DNAH9: variants seen among roughly 807,000 people sequenced by gnomAD.
DNAH9 encodes dynein axonemal heavy chain 9, also known as DNAH9 variant protein.
In DNAH9, 345 loss-of-function variants were observed where a neutral mutation model predicts 471.6. The observed-to-expected ratio is 0.73, with a 90% CI of 0.67 to 0.80. The LOEUF is 0.80. Ranked by LOEUF, DNAH9 falls within the 30% of genes least tolerant of loss-of-function variation. DNAH9 has a pLI of 0.00. For missense variants in DNAH9, 5,407 were observed against 5,609.2 expected (o/e 0.96, Z 1.15); for synonymous variants, 2,093 against 2,123.6 (o/e 0.99, Z 0.40).
intron 28 of DNAH9, among the ~76,000 whole-genome samples, chr17:11,733,618 G>A (rs780519164): frequency 3.9e-5 from 6 of 152,170 alleles, no homozygotes; most frequent in Admixed American, 6.5e-5. Flanking sequence ...TTGGGAGGCC[G>A]AGGTGGGCAG....
At chr17:11,601,065 T>C (rs2072375525) in intron 1 of DNAH9, among the ~76,000 whole-genome samples, 1 of 152,246 alleles carries the variant, frequency 6.6e-6, no homozygotes, top group Non-Finnish European at 1.5e-5. Context: ...TCCTTCTGAC[T>C]GACTTATGTC....
At chr17:11,941,044 G>A (rs892477710) in intron 66 of DNAH9, among the ~76,000 whole-genome samples, 2 of 152,072 alleles carry the variant, frequency 1.3e-5, no homozygotes, top group African/African-American at 4.8e-5. Context: ...CTTTCCAGGC[G>A]CCCCCATCCT....
At chr17:11,630,344 A>G (rs1229331959) in intron 7 of DNAH9, 2 of 152,438 alleles carry the variant, frequency 1.3e-5, no homozygotes, top group African/African-American at 4.8e-5. Flanking sequence ...GAGGCAGGAG[A>G]ATCGCTTGAA....
rs773258967 is a variant in DNAH9 at position 11,886,861 on chromosome 17, G to A, written c.11008G>A (p.Glu3670Lys). The part of the protein sequence containing the change: ...EAKVTEVKIN[E>K]AREHYRPAAA... The stretch of plus-strand genomic sequence containing the variant: ...CAAGGTGACTGAAGTGAAAATCAAC[G>A]AGGCCCGAGAGCACTACCGGCCAGC... The change falls in exon 57 of 69, where the codon GAG (glutamate) becomes AAG (lysine). Residue 3670 changes from glutamate to lysine, a missense_variant. Coordinates refer to ENST00000262442, the MANE Select transcript of DNAH9 (RefSeq NM_001372.4). 5.6e-6 allele frequency: 9 copies of A among 1,612,040 alleles called. No individual in the cohort carries two copies. Among genetic ancestry groups the A allele is most frequent in the Admixed American group, 5.0e-5 (3 of 59,726 alleles).
Position 11,961,902 on chromosome 17 carries a change from A to C in DNAH9, c.12879A>C (p.Leu4293Phe). 1 of 1,612,886 alleles carries C rather than the reference A, an allele frequency of 6.2e-7. No homozygotes were observed. The highest frequency in any genetic ancestry group is 8.5e-7 in the Non-Finnish European group (1 of 1,179,378). Residue 4293 changes from leucine (L) to phenylalanine (F), a missense_variant, in exon 68 of 69, where the codon TTA (leucine) becomes TTC (phenylalanine). By Grantham distance (22) the Leu-to-Phe change is conservative. This residue lies in a region of DNAH9 where 4,636 missense variants were observed against 4,900.3 expected (regional missense o/e 0.95). Transcript: ENST00000262442. ...CTATGACCAGCCACATGGAGAACTTACAGAATGCCCTGTACTTCGATATGG... is the reference window on the plus strand; with the variant it reads ...CTATGACCAGCCACATGGAGAACTTCCAGAATGCCCTGTACTTCGATATGG... ...ELTMTSHMEN[L>F]QNALYFDMVP...
chr17:11,766,001 A>G (rs1426244762), intron 36 of DNAH9, among the ~76,000 whole-genome samples: 1 of 152,116 alleles, frequency 6.6e-6, no homozygotes. Flanking sequence ...AGCCTTTTAA[A>G]AGCCCCGGAG....
chr17:11,745,658 T>G (rs180889331), intron 31 of DNAH9, among the ~76,000 whole-genome samples: 1 of 152,296 alleles, frequency 6.6e-6, no homozygotes, highest in East Asian at 1.9e-4. Flanking sequence ...CAAGTTATAA[T>G]TAGCGTCTTT....
intron 18 of DNAH9, 81 bp downstream of exon 18, chr17:11,680,060 C>T: frequency 9.0e-7 from 1 of 1,115,526 alleles, no homozygotes; most frequent in South Asian, 1.5e-5. Context: ...TGGGGTACAG[C>T]AAATGAAAAA....
In DNAH9 at chr17:11,742,298, GCTT is replaced by G. The variant is rs1326618082; in HGVS notation, c.6099_6101del (p.Leu2034del). 6.2e-7 allele frequency: 1 copy of G among 1,613,998 alleles called. No individual in the cohort carries two copies. Reference sequence around the variant, plus strand: ...TCACTCTTTACCAGTTGTGCAAAGAGCTTCTCTCCAAACAGGTAGGATCTCTAG... The same window carrying G: ...TCACTCTTTACCAGTTGTGCAAAGAGCTCTCCAAACAGGTAGGATCTCTAG... On this transcript the variant is annotated inframe_deletion, in exon 30 of 69. Coordinates refer to ENST00000262442, the MANE Select transcript of DNAH9 (RefSeq NM_001372.4).
At chr17:11,798,198 C>G (rs560341239) in intron 43 of DNAH9, among the ~76,000 whole-genome samples, 1 of 151,824 alleles carries the variant, frequency 6.6e-6, no homozygotes, top group Non-Finnish European at 1.5e-5. Context: ...CTTTGGAGGC[C>G]GAGGCGGGCA....
chr17:11,807,987 C>T (rs2150925078), intron 44 of DNAH9, 93 bp downstream of exon 44: 2 of 1,375,536 alleles, frequency 1.5e-6, no homozygotes, highest in South Asian at 2.9e-5. Context: ...GTTCCCCTGT[C>T]TGGAGCCTCC....
intron 14 of DNAH9, among the ~76,000 whole-genome samples, chr17:11,658,420 G>A (rs1018811468): frequency 6.6e-6 from 1 of 152,054 alleles, no homozygotes; most frequent in African/African-American, 2.4e-5. Flanking sequence ...TGTAAATTTA[G>A]GATGATGATC....
At chr17:11,704,536 C>A in intron 25 of DNAH9, 94 bp downstream of exon 25, 3 of 1,165,872 alleles carry the variant, frequency 2.6e-6, no homozygotes, top group South Asian at 1.5e-5. Context: ...AGGGTCTGTA[C>A]AGCACTGACC....
chr17:11,886,688 C>A, intron 56 of DNAH9, 137 bp from the exon 57 acceptor site: 1 of 1,120,056 alleles, frequency 8.9e-7, no homozygotes, highest in Non-Finnish European at 1.2e-6. Context: ...AGCTTTTCAA[C>A]TTTCTACCCA....
At position 11,894,405 on chromosome 17, in the gene DNAH9, T is replaced by C; in HGVS notation, c.11315T>C (p.Val3772Ala). 2 of 1,614,046 alleles carry C rather than the reference T, an allele frequency of 1.2e-6. No homozygotes were observed. Among genetic ancestry groups the C allele is most frequent in the Non-Finnish European group, 1.7e-6 (2 of 1,179,996 alleles). The part of the protein sequence containing the change: ...ILLMNREVNA[V>A]ELDFLLRSPV... ...CTCATGAACCGAGAAGTCAATGCAGTGGAGTTGGATTTCCTGCTTCGATCT... is the reference window on the plus strand; with the variant it reads ...CTCATGAACCGAGAAGTCAATGCAGCGGAGTTGGATTTCCTGCTTCGATCT... The change falls in exon 59 of 69, where the codon GTG becomes GCG. Residue 3772 changes from valine (V) to alanine (A), a missense_variant. Physicochemically the swap from Val to Ala is moderately conservative, Grantham distance 64. Coordinates refer to ENST00000262442, the MANE Select transcript of DNAH9 (RefSeq NM_001372.4).
rs780672203 is a variant in DNAH9 at position 11,962,193 on chromosome 17, T to C, written c.13170T>C (p.Ser4390=). The C allele has an allele frequency of 1.9e-6, 3 of 1,613,706 alleles. No homozygotes were observed. The highest frequency in any genetic ancestry group is 2.5e-6 in the Non-Finnish European group (3 of 1,179,922). Residue 4390 remains serine, a synonymous_variant, in exon 68 of 69, where the codon AGT becomes AGC. Coordinates refer to ENST00000262442, the MANE Select transcript of DNAH9 (RefSeq NM_001372.4). This position sits in a 1 kb window ranked among gnomAD's most constrained non-coding sequence, Gnocchi z 4.1. The part of the protein sequence containing the change: ...MTKKNREEFR[S]PPREGAYIHG... ...AGAAGAACAGAGAAGAGTTTAGGAG[T>C]CCTCCTCGGGAAGGGGCCTACATCC... is the stretch of plus-strand genomic sequence containing the variant.
intron 28 of DNAH9, among the ~76,000 whole-genome samples, chr17:11,732,584 T>C (rs1183595132): frequency 1.3e-5 from 2 of 151,842 alleles, no homozygotes; most frequent in African/African-American, 4.8e-5. Context: ...TTCTCATGTC[T>C]CCATGAGACT....
At chr17:11,633,471 T>C (rs1302692687) in intron 8 of DNAH9, among the ~76,000 whole-genome samples, 4 of 152,204 alleles carry the variant, frequency 2.6e-5, no homozygotes, top group Admixed American at 1.3e-4. Context: ...GGTGGGACAA[T>C]TGTAGAAGAG....
chr17:11,668,858 T>A (rs2073927125), intron 15 of DNAH9, among the ~76,000 whole-genome samples: 3 of 152,038 alleles, frequency 2.0e-5, no homozygotes, highest in Admixed American at 6.6e-5. Context: ...CCTATTCAAA[T>A]GTCAGTGGTT....
Sources: gnomAD v4.1 joint callset for allele counts (sites outside exome capture counted in the v4.1 genomes callset) on GRCh38, gnomAD v4.1.1 for gene constraint, gnomAD v4.1.1 regional missense constraint, Gnocchi (gnomAD v3.1) non-coding constraint, MANE v1.5 for transcripts, NCBI Gene and HGNC (gene_info 2026-07-23, HGNC 2026-07-21) for gene names.